ILDR2: variants seen among roughly 807,000 people sequenced by gnomAD.
The protein encoded by ILDR2 is immunoglobulin like domain containing receptor 2.
ILDR2 carries 25 observed loss-of-function variants against 66.8 expected under a neutral mutation model. The ratio of observed to expected loss-of-function variants is 0.37; its 90% confidence interval spans 0.27 to 0.52. The LOEUF is 0.52. ILDR2 is among the 20% of genes least tolerant of loss of function. The pLI, the probability that ILDR2 is intolerant of heterozygous loss-of-function variation, is 0.88. For synonymous variants in ILDR2, 367 were observed against 357.2 expected (o/e 1.03, Z -0.31); for missense variants, 827 against 876.8 (o/e 0.94, Z 0.72).
chr1:166,920,972 T>C lies in ILDR2; in HGVS notation c.1619A>G (p.Glu540Gly), dbSNP rs550106138. 8.7e-5 allele frequency: 129 copies of C among 1,487,126 alleles called. No individual in the cohort carries two copies. The South Asian group carries it at 1.5e-3, about 18-fold the overall frequency. The allele number at this position is 1,487,126 out of a possible 1,614,324, so 92.1% of individuals were successfully genotyped here. A position where few individuals can be genotyped will look rare whatever the true frequency, so the allele number is the denominator to read the frequency against. Residue 540 changes from glutamate to glycine, a missense_variant, in exon 9 of 10, where the codon GAG becomes GGG. This residue lies in a region of ILDR2 where 390 missense variants were observed against 353.6 expected (regional missense o/e 1.10). Coordinates refer to ENST00000271417, the MANE Select transcript of ILDR2 (RefSeq NM_199351.3). ...CAGGCTGCCACCGCGGCTGGCGCCC[T>C]CGGGCCGCGCCTGGCGCTCCCGCGC... is the stretch of plus-strand genomic sequence containing the variant. ...GSARERQARP[E>G]GASRGGSLET...
Position 166,975,301 on chromosome 1 carries a change from A to T in ILDR2, c.-33T>A. 3 of 1,606,486 alleles carry T rather than the reference A, an allele frequency of 1.9e-6. No individual in the cohort carries two copies. Among genetic ancestry groups the T allele is most frequent in the Non-Finnish European group, 2.6e-6 (3 of 1,173,830 alleles). ...AACTTCCCAGCCGAATTACGGAGTG[A>T]GGAAAGTGGGAAATGGCTGGAACAG... On this transcript the variant is annotated 5_prime_UTR_variant, in exon 1 of 10. Transcript: ENST00000271417.
intron 3 of ILDR2, among the ~76,000 whole-genome samples, chr1:166,950,040 G>A (rs1232378402): frequency 1.3e-5 from 2 of 152,160 alleles, no homozygotes; most frequent in African/African-American, 2.4e-5. Flanking sequence ...CTCTACTGAC[G>A]CATAATCTGA....
intron 2 of ILDR2, among the ~76,000 whole-genome samples, chr1:166,896,752 C>T (rs1305962317): frequency 6.6e-6 from 1 of 151,628 alleles, no homozygotes. Context: ...TCTCCTGCCT[C>T]AGCCTCCTCA....
In ILDR2 at chr1:166,909,616, T is replaced by C. The variant is rs1283372355; in HGVS notation, c.*9739A>G. 1 of 151,350 alleles carries C rather than the reference T, an allele frequency of 6.6e-6. No homozygotes were observed. Among genetic ancestry groups the C allele is most frequent in the African/African-American group, 2.4e-5 (1 of 41,124 alleles). The allele number at this position is 151,350 out of a possible 1,614,324, so 9.4% of individuals were successfully genotyped here. On this transcript the variant is annotated 3_prime_UTR_variant, in exon 10 of 10. Coordinates refer to ENST00000271417, the MANE Select transcript of ILDR2 (RefSeq NM_199351.3). ...AGTCATACCAGCAACAAAAAGAGGC[T>C]GGGAGGGTGGGGTTGTATATTAATG...
chr1:166,930,123 G>A (rs1660547418), intron 6 of ILDR2, among the ~76,000 whole-genome samples: 1 of 152,322 alleles, frequency 6.6e-6, no homozygotes. Context: ...AGAGATGGCT[G>A]CCACCCTGAG....
intron 6 of ILDR2, among the ~76,000 whole-genome samples, chr1:166,933,278 T>G (rs1247276074): frequency 6.6e-6 from 1 of 152,238 alleles, no homozygotes; most frequent in Non-Finnish European, 1.5e-5. Context: ...AAAGTTTTTC[T>G]CACTCTTGAG....
intron 9 of ILDR2, 131 bp downstream of exon 9, chr1:166,920,576 C>G (rs1214438522): frequency 4.0e-5 from 42 of 1,045,824 alleles, no homozygotes; most frequent in Non-Finnish European, 5.2e-5. Flanking sequence ...CCCAGGCAGG[C>G]CCCTGCGGCC....
Position 166,966,900 on chromosome 1 carries a change from G to C in ILDR2, c.46+8323C>G, listed in dbSNP as rs564819380. 3.9e-5 allele frequency among the ~76,000 whole-genome samples: 6 copies of C among 152,292 alleles called. No individual in the cohort carries two copies. The South Asian group carries it at 1.2e-3, about 32-fold the overall frequency. On this transcript the variant is annotated intron_variant, in intron 1 of 9. Coordinates refer to ENST00000271417, the MANE Select transcript of ILDR2 (RefSeq NM_199351.3). ...ATCAGCCTTTACCAACTTGTTATCTGTATCTCCTGTCTAGATCTCTTTCCT... is the reference window on the plus strand; with the variant it reads ...ATCAGCCTTTACCAACTTGTTATCTCTATCTCCTGTCTAGATCTCTTTCCT...
At chr1:166,937,547 T>A (rs1408416383) in intron 4 of ILDR2, among the ~76,000 whole-genome samples, 1 of 152,242 alleles carries the variant, frequency 6.6e-6, no homozygotes, top group Non-Finnish European at 1.5e-5. Context: ...TATCTGGGTA[T>A]GTTTGTTAAC....
Position 166,921,205 on chromosome 1 carries a change from C to A in ILDR2, c.1386G>T (p.Ser462=). Residue 462 remains serine, a synonymous_variant, in exon 9 of 10, where the codon TCG becomes TCT. Transcript: ENST00000271417. The surrounding 1 kb of genome is among the most constrained non-coding windows in gnomAD (Gnocchi z 5.3). ...CCTGGTAGAAGCCGCTGTGCGCCCG[C>A]GACTCCGAGCGCTCGAAGCGGCTCC... ...RGGSRFERSE[S]RAHSGFYQDD... 1 of 1,585,438 alleles carries A rather than the reference C, an allele frequency of 6.3e-7. No individual in the cohort carries two copies. Among genetic ancestry groups the A allele is most frequent in the Non-Finnish European group, 8.5e-7 (1 of 1,172,526 alleles).
downstream of ILDR2, among the ~76,000 whole-genome samples, chr1:166,904,991 G>A (rs1383258287): frequency 6.6e-6 from 1 of 152,158 alleles, no homozygotes; most frequent in Non-Finnish European, 1.5e-5. Flanking sequence ...CAAGATAAAG[G>A]TCTTACTCAG....
chr1:166,917,711 C>T lies in ILDR2; in HGVS notation c.*1644G>A, dbSNP rs1373105536. 2 of 152,258 alleles carry T rather than the reference C, an allele frequency of 1.3e-5. No homozygotes were observed. The highest frequency in any genetic ancestry group is 2.9e-5 in the Non-Finnish European group (2 of 68,066). 9.4% of individuals were successfully genotyped at this position (152,258 alleles called of 1,614,324 possible). A position where few individuals can be genotyped will look rare whatever the true frequency, so the allele number is the denominator to read the frequency against. ...GAAATGAACATAAAGAATGCACCAACTTCTCACGCCTCGAGTAGGAATCAG... is the reference window on the plus strand; with the variant it reads ...GAAATGAACATAAAGAATGCACCAATTTCTCACGCCTCGAGTAGGAATCAG... On this transcript the variant is annotated 3_prime_UTR_variant, in exon 10 of 10. Coordinates refer to ENST00000271417, the MANE Select transcript of ILDR2 (RefSeq NM_199351.3).
Position 166,919,376 on chromosome 1 carries a change from G to C in ILDR2, c.1899C>G (p.Thr633=). The change falls in exon 10 of 10, where the codon ACC becomes ACG. Residue 633 remains threonine, a synonymous_variant. Coordinates refer to ENST00000271417, the MANE Select transcript of ILDR2 (RefSeq NM_199351.3). ...EPAKKTNDFP[T]RMSLVV ...AACATCAGACCACAAGGGACATCCT[G>C]GTTGGAAAGTCATTCTAGGAAAGAG... 1 of 1,609,002 alleles carries C rather than the reference G, an allele frequency of 6.2e-7. No homozygotes were observed. The highest frequency in any genetic ancestry group is 8.5e-7 in the Non-Finnish European group (1 of 1,176,010).
At chr1:166,905,405 T>G (rs1393904977), downstream of ILDR2, among the ~76,000 whole-genome samples, 1 of 152,140 alleles carries the variant, frequency 6.6e-6, no homozygotes, top group Admixed American at 6.5e-5. Flanking sequence ...GTTTGAGGAG[T>G]GCTCATAACA....
chr1:166,914,796 A>T lies in ILDR2; in HGVS notation c.*4559T>A, dbSNP rs1476110373. On this transcript the variant is annotated 3_prime_UTR_variant, in exon 10 of 10. Coordinates refer to ENST00000271417, the MANE Select transcript of ILDR2 (RefSeq NM_199351.3). Reference sequence around the variant, plus strand: ...TAGGACTTTATGTAGCTGGCCCCCTATTTTAGTGAATTTGGATTTCTACAT... The same window carrying T: ...TAGGACTTTATGTAGCTGGCCCCCTTTTTTAGTGAATTTGGATTTCTACAT... 1.3e-5 allele frequency: 2 copies of T among 152,154 alleles called. No individual in the cohort carries two copies. Among genetic ancestry groups the T allele is most frequent in the Non-Finnish European group, 2.9e-5 (2 of 68,034 alleles). 9.4% of individuals were successfully genotyped at this position (152,154 alleles called of 1,614,324 possible). A position where few individuals can be genotyped will look rare whatever the true frequency, so the allele number is the denominator to read the frequency against.
Position 166,920,941 on chromosome 1 carries a change from C to T in ILDR2, c.1650G>A (p.Thr550=). 2 of 1,483,414 alleles carry T rather than the reference C, an allele frequency of 1.3e-6. No individual in the cohort carries two copies. Among genetic ancestry groups the T allele is most frequent in the Admixed American group, 2.4e-5 (1 of 41,742 alleles). The allele number at this position is 1,483,414 out of a possible 1,614,324, so 91.9% of individuals were successfully genotyped here. Residue 550 remains threonine (T), a synonymous_variant, in exon 9 of 10, where the codon ACG becomes ACA. Coordinates refer to ENST00000271417, the MANE Select transcript of ILDR2 (RefSeq NM_199351.3). Reference sequence around the variant, plus strand: ...CGAGCTGCGCGCTCCGCTTGGATGGCGTCTCCAGGCTGCCACCGCGGCTGG... The same window carrying T: ...CGAGCTGCGCGCTCCGCTTGGATGGTGTCTCCAGGCTGCCACCGCGGCTGG... ...EGASRGGSLE[T]PSKRSAQLGP... is the part of the protein sequence containing the mutation.
chr1:166,920,521 G>A (rs540303127), intron 9 of ILDR2, 186 bp downstream of exon 9: 10 of 234,512 alleles, frequency 4.3e-5, no homozygotes, highest in African/African-American at 1.6e-4. Context: ...CTTGGACAGA[G>A]TGAGGCTGAA....
intron 6 of ILDR2, 45 bp downstream of exon 6, chr1:166,935,256 G>A: frequency 1.3e-6 from 2 of 1,595,280 alleles, no homozygotes; most frequent in Admixed American, 1.7e-5. Context: ...ACCACTGTGG[G>A]GGCCCGAGAC....
At chr1:166,958,559 G>A (rs895747551) in intron 1 of ILDR2, among the ~76,000 whole-genome samples, 8 of 152,080 alleles carry the variant, frequency 5.3e-5, no homozygotes, top group African/African-American at 1.9e-4. Context: ...TTAAACCTGT[G>A]GAACTGTGAG....
Sources: allele counts gnomAD v4.1 joint callset (sites outside exome capture counted in the v4.1 genomes callset), GRCh38; gene constraint gnomAD v4.1.1; regional missense constraint gnomAD v4.1.1; non-coding constraint Gnocchi (gnomAD v3.1); transcripts MANE v1.5; gene names NCBI Gene and HGNC (gene_info 2026-07-23, HGNC 2026-07-21).